LPIN3: variants seen among roughly 807,000 people sequenced by gnomAD.
The protein encoded by LPIN3 is lipin 3, also known as phosphatidate phosphatase LPIN3.
In LPIN3, 82 loss-of-function variants were observed where a neutral mutation model predicts 94.7. The observed-to-expected ratio is 0.87, with a 90% CI of 0.72 to 1.04. The LOEUF (loss-of-function observed/expected upper bound fraction) is 1.04, where lower values mean the gene tolerates loss of function less well. LPIN3 is among the 50% of genes least tolerant of loss of function. The pLI is 0.00. For missense variants in LPIN3, 996 were observed against 1,090.5 expected, an observed-to-expected ratio of 0.91 and a Z score of 1.22; for synonymous variants, 418 against 443.3, an observed-to-expected ratio of 0.94 and a Z score of 0.72.
chr20:41,352,677 C>G lies in LPIN3; in HGVS notation c.1435C>G (p.Leu479Val). Residue 479 changes from leucine (L) to valine (V), a missense_variant, in exon 10 of 20, where the codon CTA becomes GTA. Transcript: ENST00000373257. ...CCCCGGACTTTTGGATGACCCAAAC[C>G]TAGTGGTGAAAATCAATGGAAAGTA... ...KNPGLLDDPN[L>V]VVKINGKHYN... The G allele has an allele frequency of 6.2e-7, 1 of 1,614,168 alleles. No individual in the cohort carries two copies. The highest frequency in any genetic ancestry group is 8.5e-7 in the Non-Finnish European group (1 of 1,179,984).
At position 41,351,921 on chromosome 20, in the gene LPIN3, G is replaced by T. The variant is rs2146970432; in HGVS notation, c.1202+1G>T. 1.2e-6 allele frequency: 2 copies of T among 1,614,208 alleles called. No individual in the cohort carries two copies. The highest frequency in any genetic ancestry group is 1.7e-6 in the Non-Finnish European group (2 of 1,180,034). ...ATGCAGCGCTTTACTTCCCCCAAAG[G>T]TGCCTGGGTTCTGGATGCCAGGGTG... On this transcript the variant is annotated splice_donor_variant, in intron 8 of 19. Transcript: ENST00000373257. LOFTEE classifies it high-confidence loss of function.
At position 41,356,015 on chromosome 20, in the gene LPIN3, G is replaced by A. The variant is rs1418396808; in HGVS notation, c.1784G>A (p.Arg595His). The A allele has an allele frequency of 9.9e-6, 16 of 1,613,930 alleles. No individual in the cohort carries two copies. The highest frequency in any genetic ancestry group is 1.7e-5 in the Admixed American group (1 of 59,984). Residue 595 changes from arginine to histidine, a missense_variant, in exon 14 of 20, where the codon CGC (arginine) becomes CAC (histidine). By Grantham distance (29) the Arg-to-His change is conservative. Coordinates refer to ENST00000373257, the MANE Select transcript of LPIN3 (RefSeq NM_022896.3). ...PSTPTYKKSLRLSSDQIRRLN... is the reference protein window; with the variant it reads ...PSTPTYKKSLHLSSDQIRRLN... ...ACTCCTACCTACAAGAAGTCCCTCCGCCTCTCCTCCGATCAGATCGTAAGT... is the reference window on the plus strand; with the variant it reads ...ACTCCTACCTACAAGAAGTCCCTCCACCTCTCCTCCGATCAGATCGTAAGT...
intron 9 of LPIN3, among the ~76,000 whole-genome samples, 192 bp from the exon 10 acceptor site, chr20:41,352,414 C>A (rs182096171): frequency 2.0e-5 from 3 of 152,332 alleles, no homozygotes; most frequent in Admixed American, 6.5e-5. Flanking sequence ...AAATGCTTGA[C>A]GCTAAGTTGT....
At chr20:41,347,383 G>C (rs1252843619) in intron 2 of LPIN3, among the ~76,000 whole-genome samples, 169 bp from the exon 3 acceptor site, 3 of 152,180 alleles carry the variant, frequency 2.0e-5, no homozygotes, top group Non-Finnish European at 4.4e-5. Context: ...AGATGCAGCA[G>C]AGCCCCCCTT....
intron 11 of LPIN3, 28 bp downstream of exon 11, chr20:41,352,895 C>A: frequency 6.2e-7 from 1 of 1,611,606 alleles, no homozygotes; most frequent in Non-Finnish European, 8.5e-7. Context: ...ACTGCCCCTG[C>A]TGGGGAAGGT....
rs2046311525 is a variant in LPIN3 at position 41,358,890 on chromosome 20, C to A, written c.*24C>A. 1 of 1,612,764 alleles carries A rather than the reference C, an allele frequency of 6.2e-7. No homozygotes were observed. The highest frequency in any genetic ancestry group is 1.3e-5 in the African/African-American group (1 of 74,896). ...GAACCTGCCCTGGCTGGCTCCTCCTCCCTGGCCCGGCCCAGGACTGGCTAG... is the reference window on the plus strand; with the variant it reads ...GAACCTGCCCTGGCTGGCTCCTCCTACCTGGCCCGGCCCAGGACTGGCTAG... On this transcript the variant is annotated 3_prime_UTR_variant, in exon 20 of 20. Coordinates refer to ENST00000373257, the MANE Select transcript of LPIN3 (RefSeq NM_022896.3).
At position 41,350,239 on chromosome 20, in the gene LPIN3, C is replaced by A. The variant is rs971104418; in HGVS notation, c.944C>A (p.Thr315Asn). The change falls in exon 7 of 20, where the codon ACT becomes AAT. Residue 315 changes from threonine to asparagine, a missense_variant. Physicochemically the swap from Thr to Asn is moderately conservative, Grantham distance 65. Coordinates refer to ENST00000373257, the MANE Select transcript of LPIN3 (RefSeq NM_022896.3). ...CTTCAGCCTGACACAGAGGATCCCACTCTAGTGGGTCCCCCTCTCCACACC... is the reference window on the plus strand; with the variant it reads ...CTTCAGCCTGACACAGAGGATCCCAATCTAGTGGGTCCCCCTCTCCACACC... ...ADLQPDTEDPTLVGPPLHTPE... is the reference protein window; with the variant it reads ...ADLQPDTEDPNLVGPPLHTPE... The A allele has an allele frequency of 6.2e-7, 1 of 1,613,804 alleles. No individual in the cohort carries two copies. Among genetic ancestry groups the A allele is most frequent in the Non-Finnish European group, 8.5e-7 (1 of 1,180,022 alleles).
intron 1 of LPIN3, among the ~76,000 whole-genome samples, chr20:41,342,782 G>A (rs1211982030): frequency 6.6e-6 from 1 of 152,164 alleles, no homozygotes; most frequent in East Asian, 1.9e-4. Context: ...GTGAAGTGGG[G>A]GGAACAGAGA....
intron 13 of LPIN3, among the ~76,000 whole-genome samples, chr20:41,355,243 C>T (rs1600736838): frequency 6.6e-6 from 1 of 152,204 alleles, no homozygotes; most frequent in Non-Finnish European, 1.5e-5. Flanking sequence ...GAACTTCTGA[C>T]CTCAGGTGAT....
intron 1 of LPIN3, 58 bp from the exon 2 acceptor site, chr20:41,345,738 G>C: frequency 1.3e-6 from 2 of 1,536,490 alleles, no homozygotes; most frequent in Non-Finnish European, 1.8e-6. Context: ...GGCTGCAGGA[G>C]CTTCTTGTGG....
At position 41,354,754 on chromosome 20, in the gene LPIN3, G is replaced by GAGGGCCAGGGCC; in HGVS notation, c.1620+26_1620+37dup. The GAGGGCCAGGGCC allele has an allele frequency of 6.2e-7, 1 of 1,608,312 alleles. No homozygotes were observed. The highest frequency in any genetic ancestry group is 8.5e-7 in the Non-Finnish European group (1 of 1,176,544). On this transcript the variant is annotated intron_variant, in intron 12 of 19. Transcript: ENST00000373257. Reference sequence around the variant, plus strand: ...GCCGAGGAGGTGGGTGGTCACAGTCGAGGGCCAGGGCCAGGGCCAGCACAG... The same window carrying GAGGGCCAGGGCC: ...GCCGAGGAGGTGGGTGGTCACAGTCGAGGGCCAGGGCCAGGGCCAGGGCCAGGGCCAGCACAG...
rs985796530 is a variant in LPIN3 at position 41,351,831 on chromosome 20, G to A, written c.1113G>A (p.Lys371=). The A allele has an allele frequency of 1.7e-5, 27 of 1,614,072 alleles. No homozygotes were observed. Among genetic ancestry groups the A allele is most frequent in the Non-Finnish European group, 1.9e-5 (23 of 1,180,042 alleles). ...CTCTTCAACTCTCAGGCTCCCCAAA[G>A]AGAAGCCAGCACCTGGGCCCCAGTG... The part of the protein sequence containing the change: ...ERVSRGKGSP[K]RSQHLGPSDI... Residue 371 remains lysine (K), a synonymous_variant, in exon 8 of 20, where the codon AAG becomes AAA. Transcript: ENST00000373257.
intron 1 of LPIN3, 136 bp from the exon 2 acceptor site, chr20:41,345,660 C>A: frequency 1.1e-6 from 1 of 871,954 alleles, no homozygotes; most frequent in Non-Finnish European, 1.7e-6. Context: ...CATCGCACAG[C>A]TGCTGCCATC....
intron 1 of LPIN3, among the ~76,000 whole-genome samples, chr20:41,341,413 TTCTC>T (rs2146890104): frequency 6.6e-6 from 1 of 152,172 alleles, no homozygotes; most frequent in East Asian, 1.9e-4. Flanking sequence ...GGGTGGCGCT[TTCTC>T]TCTACTGGGG....
At chr20:41,358,403 G>C (rs1197717466) in intron 18 of LPIN3, 36 bp from the exon 19 acceptor site, 1 of 1,613,512 alleles carries the variant, frequency 6.2e-7, no homozygotes, top group Non-Finnish European at 8.5e-7. Flanking sequence ...GCTGCCTGCA[G>C]GCCTCCATTC....
intron 13 of LPIN3, among the ~76,000 whole-genome samples, chr20:41,355,251 G>A (rs1292024314): frequency 1.3e-5 from 2 of 152,340 alleles, no homozygotes; most frequent in East Asian, 3.9e-4. Flanking sequence ...GACCTCAGGT[G>A]ATCTGCCCAC....
In LPIN3 at chr20:41,358,327, T is replaced by G. The variant is rs751628260; in HGVS notation, c.2283T>G (p.Tyr761Ter). Residue 761 changes from tyrosine to a stop codon, truncating the protein, a stop_gained, in exon 18 of 20, where the codon TAT becomes TAG. Transcript: ENST00000373257. LOFTEE classifies it high-confidence loss of function. Reference protein sequence around the residue: ...QLFLPHGQPFYAAFGNRPNDV... With the variant: ...QLFLPHGQPF Reference sequence around the variant, plus strand: ...TTCTGCCCCACGGACAGCCCTTCTATGCTGCCTTTGGGAATAGGCCCAATG... The same window carrying G: ...TTCTGCCCCACGGACAGCCCTTCTAGGCTGCCTTTGGGAATAGGCCCAATG... 6.2e-7 allele frequency: 1 copy of G among 1,614,192 alleles called. No homozygotes were observed. Among genetic ancestry groups the G allele is most frequent in the African/African-American group, 1.3e-5 (1 of 75,048 alleles).
chr20:41,356,201 A>C (rs2046203851), intron 14 of LPIN3, among the ~76,000 whole-genome samples, 167 bp downstream of exon 14: 1 of 152,092 alleles, frequency 6.6e-6, no homozygotes, highest in Non-Finnish European at 1.5e-5. Context: ...GAATACCTCC[A>C]AGGGCAGGGC....
chr20:41,347,891 A>G (rs2045845179), intron 3 of LPIN3, among the ~76,000 whole-genome samples: 3 of 152,152 alleles, frequency 2.0e-5, no homozygotes, highest in Non-Finnish European at 4.4e-5. Flanking sequence ...GGTTTCTCAG[A>G]AGACTGGACC....
Sources: allele counts gnomAD v4.1 joint callset (sites outside exome capture counted in the v4.1 genomes callset), GRCh38; gene constraint gnomAD v4.1.1; transcripts MANE v1.5; gene names NCBI Gene and HGNC (gene_info 2026-07-23, HGNC 2026-07-21).